USP8: variants seen among roughly 807,000 people sequenced by gnomAD.
The protein encoded by USP8 is ubiquitin carboxyl-terminal hydrolase 8.
Under a neutral mutation model 130.0 loss-of-function variants are expected in USP8, and 27 were observed. The ratio of observed to expected loss-of-function variants is 0.21; its 90% CI spans 0.15 to 0.29. The LOEUF is 0.29. Among genes scored for constraint, USP8 ranks in the 10% least tolerant of loss-of-function variants. The pLI, the probability that USP8 is intolerant of heterozygous loss-of-function variation, is 1.00. For missense variants in USP8, 1,029 were observed against 1,312.2 expected (o/e 0.78, Z 3.33); for synonymous variants, 392 against 444.1 (o/e 0.88, Z 1.48).
chr15:50,442,751 AAAAC>A (rs1208701541), intron 3 of USP8, among the ~76,000 whole-genome samples: 1 of 152,184 alleles, frequency 6.6e-6, no homozygotes, highest in Non-Finnish European at 1.5e-5. Flanking sequence ...TCCATCTCAA[AAAAC>A]AAACAAAAAC....
chr15:50,461,370 G>C (rs2050996211), intron 5 of USP8, among the ~76,000 whole-genome samples: 1 of 151,174 alleles, frequency 6.6e-6, no homozygotes, highest in African/African-American at 2.4e-5. Context: ...GGCCAAGGTG[G>C]GAGGATCACT....
At chr15:50,447,340 A>C (rs2050475303) in intron 3 of USP8, among the ~76,000 whole-genome samples, 1 of 152,136 alleles carries the variant, frequency 6.6e-6, no homozygotes, top group Non-Finnish European at 1.5e-5. Context: ...TCTTGGGTTC[A>C]AGCAATTCTC....
At chr15:50,488,056 T>A (rs1040486090) in intron 12 of USP8, among the ~76,000 whole-genome samples, 12 of 152,212 alleles carry the variant, frequency 7.9e-5, no homozygotes, top group African/African-American at 2.9e-4. Flanking sequence ...TCTCCCAATA[T>A]GTGGCTTATC....
At position 50,439,036 on chromosome 15, in the gene USP8, C is replaced by G. The variant is rs1236011444; in HGVS notation, c.-38C>G. 1 of 1,373,940 alleles carries G rather than the reference C, an allele frequency of 7.3e-7. No homozygotes were observed. Among genetic ancestry groups the G allele is most frequent in the East Asian group, 2.3e-5 (1 of 43,290 alleles). The allele number at this position is 1,373,940 out of a possible 1,614,324, so 85.1% of individuals were successfully genotyped here. A position where few individuals can be genotyped will look rare whatever the true frequency, so the allele number is the denominator to read the frequency against. On this transcript the variant is annotated 5_prime_UTR_variant, in exon 2 of 20. Coordinates refer to ENST00000307179, the MANE Select transcript of USP8 (RefSeq NM_005154.5). ...AAGAAGCACTTGTAAGGAAATATAG[C>G]ATCCATTGTGAAAGTGGAAAAGTAA...
chr15:50,462,115 A>AGAAACCTTTT (rs2051027211), intron 5 of USP8, among the ~76,000 whole-genome samples, 165 bp from the exon 6 acceptor site: 1 of 152,224 alleles, frequency 6.6e-6, no homozygotes, highest in South Asian at 2.1e-4. Context: ...CTACTGCCAA[A>AGAAACCTTTT]GAAACCTTTT....
At chr15:50,436,743 C>G (rs2050103718) in intron 1 of USP8, among the ~76,000 whole-genome samples, 1 of 152,092 alleles carries the variant, frequency 6.6e-6, no homozygotes, top group African/African-American at 2.4e-5. Context: ...GATCTCAGCT[C>G]ACTGCAACCT....
At position 50,449,447 on chromosome 15, in the gene USP8, C is replaced by G; in HGVS notation, c.297C>G (p.Val99=). 5 of 1,595,978 alleles carry G rather than the reference C, an allele frequency of 3.1e-6. No individual in the cohort carries two copies. Among genetic ancestry groups the G allele is most frequent in the Non-Finnish European group, 4.3e-6 (5 of 1,169,986 alleles). Residue 99 remains valine, a synonymous_variant, in exon 4 of 20, where the codon GTC becomes GTG. Coordinates refer to ENST00000307179, the MANE Select transcript of USP8 (RefSeq NM_005154.5). ...GACCTGGAAACATCAAAAAAGCTGT[C>G]GAAGAAGCTGAAAGACTCTCTGAAA... ...ILGPGNIKKA[V]EEAERLSESL...
chr15:50,491,125 A>G (rs1010460526), intron 14 of USP8, among the ~76,000 whole-genome samples: 1 of 152,190 alleles, frequency 6.6e-6, no homozygotes, highest in Admixed American at 6.5e-5. Flanking sequence ...CTCTTAGCTT[A>G]TGACTGATAG....
At chr15:50,472,767 G>A (rs374353339) in intron 8 of USP8, among the ~76,000 whole-genome samples, 156 of 151,984 alleles carry the variant, frequency 1.0e-3, no homozygotes, top group African/African-American at 3.4e-3. Flanking sequence ...AAAATTAGTC[G>A]GGCATGGTGG....
At chr15:50,450,314 C>T (rs956141898) in intron 4 of USP8, among the ~76,000 whole-genome samples, 1 of 151,920 alleles carries the variant, frequency 6.6e-6, no homozygotes, top group African/African-American at 2.4e-5. Context: ...GAAGTATTTA[C>T]TGTTACTTTT....
rs1390413396 is a variant in USP8, at chr15:50,504,005, A to G, written c.*4917A>G. On this transcript the variant is annotated 3_prime_UTR_variant, in exon 20 of 20. Coordinates refer to ENST00000307179, the MANE Select transcript of USP8 (RefSeq NM_005154.5). Reference sequence around the variant, plus strand: ...TTTAGAAACTAAATAGAATTTTCAGAAATGAGAAATACAACATAGTTGGCC... The same window carrying G: ...TTTAGAAACTAAATAGAATTTTCAGGAATGAGAAATACAACATAGTTGGCC... 6.6e-6 allele frequency: 1 copy of G among 152,222 alleles called. No homozygotes were observed. Among genetic ancestry groups the G allele is most frequent in the African/African-American group, 2.4e-5 (1 of 41,460 alleles). 9.4% of individuals were successfully genotyped at this position (152,222 alleles called of 1,614,324 possible). A position where few individuals can be genotyped will look rare whatever the true frequency, so the allele number is the denominator to read the frequency against.
At chr15:50,493,255 G>A (rs552312525) in intron 15 of USP8, 1 of 513,490 alleles carries the variant, frequency 1.9e-6, no homozygotes, top group African/African-American at 1.9e-5. Flanking sequence ...TCTTAATCCT[G>A]TCACATTGGC....
chr15:50,425,698 CAT>C (rs1236726679), intron 1 of USP8, among the ~76,000 whole-genome samples: 6 of 152,050 alleles, frequency 3.9e-5, no homozygotes, highest in East Asian at 3.8e-4. Flanking sequence ...AAATTTTGCA[CAT>C]AGACATCTGT....
chr15:50,496,972 T>C lies in USP8; in HGVS notation c.2896-117T>C, dbSNP rs942582269. 1.4e-5 allele frequency: 18 copies of C among 1,324,196 alleles called. No homozygotes were observed. The African/African-American group carries it at 1.9e-4, about 14-fold the overall frequency. 82.0% of individuals were successfully genotyped at this position (1,324,196 alleles called of 1,614,324 possible). On this transcript the variant is annotated intron_variant, in intron 17 of 19. Coordinates refer to ENST00000307179, the MANE Select transcript of USP8 (RefSeq NM_005154.5). ...AAGCTTTGGGAAGGCAGGAACTCTT[T>C]TGTGTAGATTGCTGTTGAATCACTG... is the stretch of plus-strand genomic sequence containing the variant.
chr15:50,485,570 T>C (rs2051931353), intron 12 of USP8, among the ~76,000 whole-genome samples: 1 of 136,918 alleles, frequency 7.3e-6, no homozygotes, highest in African/African-American at 2.7e-5. Flanking sequence ...TTTTTTTTTT[T>C]TTTTTTTTTT....
At position 50,473,838 on chromosome 15, in the gene USP8, A is replaced by T. The variant is rs557086830; in HGVS notation, c.849+2043A>T. On this transcript the variant is annotated intron_variant, in intron 8 of 19. Transcript: ENST00000307179. ...TATATATATTTTTTTAATTTAATTT[A>T]ATTTTATTTATTTCGAGATGGAGTC... Among the ~76,000 whole-genome samples the T allele has an allele frequency of 8.0e-5, 12 of 150,300 alleles. No individual in the cohort carries two copies. In the East Asian group the frequency reaches 1.2e-3, roughly 15 times the overall value.
At chr15:50,450,462 C>CTTT (rs35800074) in intron 4 of USP8, among the ~76,000 whole-genome samples, 2,058 of 80,260 alleles carry the variant, frequency 0.026, 35 homozygotes, top group Admixed American at 0.032. Flanking sequence ...GTTAGTCATT[C>CTTT]TTTTTTTTTT....
intron 2 of USP8, 82 bp from the exon 3 acceptor site, chr15:50,441,267 A>C: frequency 7.5e-7 from 1 of 1,331,580 alleles, no homozygotes; most frequent in South Asian, 1.7e-5. Flanking sequence ...CCTGATAAAG[A>C]TTATCTGTGG....
chr15:50,493,687 G>A, intron 15 of USP8: 1 of 371,086 alleles, frequency 2.7e-6, no homozygotes, highest in Non-Finnish European at 5.2e-6. Flanking sequence ...CAAGGCTGCA[G>A]TGAGCCGTGA....
Sources: allele counts gnomAD v4.1 joint callset (sites outside exome capture counted in the v4.1 genomes callset), GRCh38; gene constraint gnomAD v4.1.1; transcripts MANE v1.5; gene names NCBI Gene and HGNC (gene_info 2026-07-23, HGNC 2026-07-21).